Variants in DLG2 observed in about 807,000 individuals in gnomAD.
The protein encoded by DLG2 is disks large homolog 2.
Under a neutral mutation model 132.5 loss-of-function variants are expected in DLG2, and 45 were observed. The observed-to-expected ratio is 0.34, with a 90% CI of 0.27 to 0.44. The LOEUF is 0.44. Ranked by LOEUF, DLG2 falls within the 20% of genes least tolerant of loss-of-function variation. The pLI is 1.00. For missense variants in DLG2, 1,045 were observed against 1,196.9 expected (o/e 0.87, Z 1.87); for synonymous variants, 424 against 419.6 (o/e 1.01, Z -0.13).
chr11:84,970,324 T>C (rs1183678874), intron 6 of DLG2, among the ~76,000 whole-genome samples: 1 of 152,174 alleles, frequency 6.6e-6, no homozygotes, highest in Non-Finnish European at 1.5e-5. Context: ...CTTTTCTCCC[T>C]ACCCTAAAGA....
At position 83,962,819 on chromosome 11, in the gene DLG2, G is replaced by A. The variant is rs2089188655; in HGVS notation, c.1340+66C>T. The A allele has an allele frequency of 4.4e-6, 7 of 1,578,864 alleles. No individual in the cohort carries two copies. In the Admixed American group the frequency reaches 1.2e-4, roughly 27 times the overall value. On this transcript the variant is annotated intron_variant, in intron 14 of 27. Coordinates refer to ENST00000376104, the MANE Select transcript of DLG2 (RefSeq NM_001142699.3). ...TAGCATCCAAAACAACACCTGACAT[G>A]TTAGGCAAATGTGATTTCTTTCTGG...
At chr11:84,952,027 G>T (rs1035888698) in intron 6 of DLG2, among the ~76,000 whole-genome samples, 11 of 152,120 alleles carry the variant, frequency 7.2e-5, no homozygotes, top group Non-Finnish European at 1.3e-4. Context: ...CTCACTCACA[G>T]GTGGTAACCT....
Position 84,755,161 on chromosome 11 carries a change from G to C in DLG2, c.358-220430C>G, listed in dbSNP as rs183210222. 2.6e-4 allele frequency among the ~76,000 whole-genome samples: 40 copies of C among 152,256 alleles called. No homozygotes were observed. The East Asian group carries it at 6.2e-3, about 24-fold the overall frequency. ...GTTTGAAGAGACCGGAAGAACCCTA[G>C]ATGTTACAGTGAATGTTTTGAAGGT... On this transcript the variant is annotated intron_variant, in intron 6 of 27. Coordinates refer to ENST00000376104, the MANE Select transcript of DLG2 (RefSeq NM_001142699.3).
chr11:84,657,422 C>CT (rs1240077076), intron 6 of DLG2, among the ~76,000 whole-genome samples: 1 of 152,088 alleles, frequency 6.6e-6, no homozygotes, highest in Non-Finnish European at 1.5e-5. Flanking sequence ...CTAGAACATT[C>CT]TTTTTATGAG....
intron 18 of DLG2, among the ~76,000 whole-genome samples, chr11:83,698,762 C>T (rs919527563): frequency 3.9e-5 from 6 of 152,172 alleles, no homozygotes; most frequent in Non-Finnish European, 2.9e-5. Context: ...CTCTTCTCAT[C>T]CTACGTTATC....
intron 9 of DLG2, among the ~76,000 whole-genome samples, chr11:84,104,381 G>A (rs2092756993): frequency 6.6e-6 from 1 of 151,992 alleles, no homozygotes; most frequent in South Asian, 2.1e-4. Context: ...GGGTACACAT[G>A]AACATAAAGA....
chr11:85,474,193 A>G (rs2093069294), intron 3 of DLG2, among the ~76,000 whole-genome samples: 1 of 152,086 alleles, frequency 6.6e-6, no homozygotes, highest in Non-Finnish European at 1.5e-5. Context: ...TGCAAAGATC[A>G]TTATTGATAA....
rs199634167 is a variant in DLG2 at position 85,559,825 on chromosome 11, TAGA to T, written c.40+38829_40+38831del. On this transcript the variant is annotated intron_variant, in intron 3 of 27. Transcript: ENST00000376104. ...GGTGATTAGTTAGATGATTGATAGA[TAGA>T]TAGATAGATAGATAGATAGATAGAT... is the stretch of plus-strand genomic sequence containing the variant. 9.5e-3 allele frequency among the ~76,000 whole-genome samples: 1,158 copies of T among 121,624 alleles called. 29 individuals are homozygous for T. The highest frequency in any genetic ancestry group is 0.011 in the South Asian group (49 of 4,478). 79.8% of individuals were successfully genotyped at this position (121,624 alleles called of 152,430 possible). A position where few individuals can be genotyped will look rare whatever the true frequency, so the allele number is the denominator to read the frequency against.
At chr11:84,566,313 G>A (rs1354896092) in intron 6 of DLG2, among the ~76,000 whole-genome samples, 6 of 152,044 alleles carry the variant, frequency 3.9e-5, no homozygotes, top group Non-Finnish European at 8.8e-5. Context: ...CTCTAGTCAA[G>A]TAGAGTCAGA....
chr11:84,209,163 T>C (rs1417953236), intron 8 of DLG2, among the ~76,000 whole-genome samples: 1 of 152,202 alleles, frequency 6.6e-6, no homozygotes, highest in African/African-American at 2.4e-5. Context: ...TCATGTGATG[T>C]ATTGAGAAGG....
intron 18 of DLG2, among the ~76,000 whole-genome samples, chr11:83,651,014 A>G (rs535925875): frequency 6.6e-6 from 1 of 152,028 alleles, no homozygotes; most frequent in South Asian, 2.1e-4. Context: ...CATCTTACTT[A>G]CTCTATACCT....
chr11:84,051,324 C>T (rs549013688), intron 11 of DLG2, among the ~76,000 whole-genome samples: 9 of 151,910 alleles, frequency 5.9e-5, no homozygotes, highest in South Asian at 4.2e-4. Flanking sequence ...CACATGCACA[C>T]GTATGTTTAT....
rs550031854 is a variant in DLG2, at chr11:84,559,957, A to G, written c.358-25226T>C. On this transcript the variant is annotated intron_variant, in intron 6 of 27. Coordinates refer to ENST00000376104, the MANE Select transcript of DLG2 (RefSeq NM_001142699.3). ...TTTGTTTTTAGCTATTATTTTGATG[A>G]AGACCTACTCTGTGCCAGATATTCC... 1.1e-4 allele frequency among the ~76,000 whole-genome samples: 16 copies of G among 152,232 alleles called. No homozygotes were observed. The East Asian group carries it at 3.1e-3, about 29-fold the overall frequency.
intron 4 of DLG2, among the ~76,000 whole-genome samples, chr11:85,160,422 G>C (rs1223190531): frequency 6.6e-6 from 1 of 152,186 alleles, no homozygotes; most frequent in Non-Finnish European, 1.5e-5. Context: ...TTGGAGCAAG[G>C]TTCTGCCATC....
At chr11:83,847,426 C>A (rs190222836) in intron 16 of DLG2, among the ~76,000 whole-genome samples, 1 of 152,276 alleles carries the variant, frequency 6.6e-6, no homozygotes, top group African/African-American at 2.4e-5. Flanking sequence ...ATCAAATGTT[C>A]AAACCCTCTA....
chr11:84,086,188 G>A (rs1052024622), intron 10 of DLG2, among the ~76,000 whole-genome samples: 2 of 152,086 alleles, frequency 1.3e-5, no homozygotes, highest in Non-Finnish European at 2.9e-5. Context: ...AGAACTTGGT[G>A]AATGAATTCA....
At chr11:84,704,414 T>A (rs2059567051) in intron 6 of DLG2, among the ~76,000 whole-genome samples, 1 of 151,574 alleles carries the variant, frequency 6.6e-6, no homozygotes, top group African/African-American at 2.4e-5. Context: ...TTTAGCTCTA[T>A]AAAACTATGG....
intron 6 of DLG2, among the ~76,000 whole-genome samples, chr11:84,557,444 A>T (rs954787917): frequency 6.6e-6 from 1 of 152,164 alleles, no homozygotes; most frequent in Admixed American, 6.5e-5. Flanking sequence ...ATATACACAT[A>T]CTGGTTCCAT....
At chr11:84,675,117 G>C (rs1160161574) in intron 6 of DLG2, among the ~76,000 whole-genome samples, 2 of 152,076 alleles carry the variant, frequency 1.3e-5, no homozygotes, top group Non-Finnish European at 2.9e-5. Flanking sequence ...GCCAGGTAGG[G>C]AATCTGCCAT....
Sources: allele counts gnomAD v4.1 joint callset (sites outside exome capture counted in the v4.1 genomes callset), GRCh38; gene constraint gnomAD v4.1.1; transcripts MANE v1.5; gene names NCBI Gene and HGNC (gene_info 2026-07-23, HGNC 2026-07-21).